Variants in GNB4 observed in about 807,000 individuals in gnomAD.
The protein encoded by GNB4 is guanine nucleotide-binding protein subunit beta-4.
In GNB4, 28 loss-of-function variants were observed where a neutral mutation model predicts 45.2. The ratio of observed to expected loss-of-function variants is 0.62; its 90% CI spans 0.46 to 0.85. The LOEUF (loss-of-function observed/expected upper bound fraction) is 0.85. GNB4 is among the 40% of genes least tolerant of loss of function. The pLI, the probability that GNB4 is intolerant of heterozygous loss-of-function variation, is 0.00. For synonymous variants in GNB4, 132 were observed against 143.7 expected (o/e 0.92, Z 0.58); for missense variants, 321 against 425.4 (o/e 0.75, Z 2.16).
the GNB4 span, among the ~76,000 whole-genome samples, chr3:179,485,005 G>GTTTTTT: frequency 1.2e-3 from 62 of 51,156 alleles, no homozygotes; most frequent in Non-Finnish European, 2.1e-3. Flanking sequence ...TTTTCGTTTT[G>GTTTTTT]TTTTTTTTTT....
At chr3:179,401,413 A>C in intron 9 of GNB4, 94 bp from the exon 10 acceptor site, 1 of 552,148 alleles carries the variant, frequency 1.8e-6, no homozygotes, top group East Asian at 3.2e-5. Flanking sequence ...ATAAACTATC[A>C]GTCCAGTTTT....
At chr3:179,424,611 G>A (rs536689670) in intron 2 of GNB4, among the ~76,000 whole-genome samples, 50 of 152,162 alleles carry the variant, frequency 3.3e-4, no homozygotes, top group African/African-American at 1.2e-3. Context: ...TCTTTGTAGA[G>A]ATTTTATTTT....
intron 1 of GNB4, among the ~76,000 whole-genome samples, chr3:179,449,563 G>A (rs949629647): frequency 1.3e-5 from 2 of 152,184 alleles, no homozygotes; most frequent in Admixed American, 6.5e-5. Flanking sequence ...TCCCAGTTGA[G>A]TTACCTAACA....
In GNB4 at chr3:179,435,838, A is replaced by G. The variant is rs546492022; in HGVS notation, c.-42-9596T>C. ...TCAAAAGATACTAATGAGCCACTGT[A>G]TCCAAGCCAATTTGTTAAATAAAAT... On this transcript the variant is annotated intron_variant, in intron 1 of 9. Transcript: ENST00000232564. Among the ~76,000 whole-genome samples the G allele has an allele frequency of 2.0e-5, 3 of 152,360 alleles. No individual in the cohort carries two copies. In the South Asian group the frequency reaches 6.2e-4, roughly 32 times the overall value.
At chr3:179,431,132 ATC>A (rs1292375861) in intron 1 of GNB4, among the ~76,000 whole-genome samples, 26 of 152,334 alleles carry the variant, frequency 1.7e-4, no homozygotes, top group African/African-American at 6.0e-4. Flanking sequence ...GTCTTTTTAC[ATC>A]TGATTTGTGC....
chr3:179,445,396 T>C (rs1331334629), intron 1 of GNB4, among the ~76,000 whole-genome samples: 1 of 152,176 alleles, frequency 6.6e-6, no homozygotes, highest in East Asian at 1.9e-4. Flanking sequence ...TCAATCTTCC[T>C]ACCCTAGCCT....
intron 9 of GNB4, 40 bp from the exon 10 acceptor site, chr3:179,401,359 T>C (rs764746873): frequency 7.2e-7 from 1 of 1,383,634 alleles, no homozygotes; most frequent in Non-Finnish European, 1.0e-6. Flanking sequence ...AATTGTAGGG[T>C]TTTAGAATTA....
chr3:179,521,501 A>C, the GNB4 span, among the ~76,000 whole-genome samples: 39 of 152,214 alleles, frequency 2.6e-4, 2 homozygotes, highest in African/African-American at 9.4e-4. Flanking sequence ...ACTGCACCCC[A>C]AAAAAACTTG....
intron 1 of GNB4, among the ~76,000 whole-genome samples, chr3:179,449,891 A>G (rs1249130045): frequency 6.6e-6 from 1 of 152,216 alleles, no homozygotes; most frequent in Non-Finnish European, 1.5e-5. Flanking sequence ...CCCAGAGTCT[A>G]TTTTTAAAGT....
the GNB4 span, among the ~76,000 whole-genome samples, chr3:179,483,171 A>G: frequency 4.6e-5 from 7 of 152,010 alleles, no homozygotes; most frequent in Admixed American, 1.3e-4. Flanking sequence ...TTTCCTGTGT[A>G]TACCCTGCCT....
At position 179,401,284 on chromosome 3, in the gene GNB4, A is replaced by G. The variant is rs1324179212; in HGVS notation, c.952T>C (p.Leu318=). 1 of 1,613,916 alleles carries G rather than the reference A, an allele frequency of 6.2e-7. No individual in the cohort carries two copies. The highest frequency in any genetic ancestry group is 2.2e-5 in the East Asian group (1 of 44,876). The change falls in exon 10 of 10, where the codon TTA becomes CTA. Residue 318 remains leucine (L), a synonymous_variant. Transcript: ENST00000232564. ...GCCATGCCATCATCAGTTACACCTA[A>G]GCAGCTCACACGGTTGTCATGACCA... ...LAGHDNRVSC[L]GVTDDGMAVA...
At chr3:179,474,272 T>A in the GNB4 span, among the ~76,000 whole-genome samples, 7 of 152,184 alleles carry the variant, frequency 4.6e-5, no homozygotes, top group Admixed American at 4.6e-4. Flanking sequence ...TCTCCCAGGC[T>A]AGAGTGCAGT....
intron 1 of GNB4, chr3:179,437,937 T>G (rs1311597176): frequency 6.6e-6 from 1 of 151,984 alleles, no homozygotes; most frequent in Non-Finnish European, 1.5e-5. Flanking sequence ...CCAGGTGTGG[T>G]GGCATTTGCC....
chr3:179,508,932 GTATATATATA>G, the GNB4 span, among the ~76,000 whole-genome samples: 1 of 102,178 alleles, frequency 9.8e-6, no homozygotes, highest in East Asian at 2.9e-4. Flanking sequence ...TTCAGCATGT[GTATATATATA>G]TATATATATA....
the GNB4 span, among the ~76,000 whole-genome samples, chr3:179,504,294 A>G: frequency 2.3e-4 from 35 of 152,262 alleles, no homozygotes; most frequent in African/African-American, 7.7e-4. Context: ...AAAATATGTC[A>G]TGGGCAGAAA....
chr3:179,489,001 A>ATAT, the GNB4 span, among the ~76,000 whole-genome samples: 4 of 33,706 alleles, frequency 1.2e-4, no homozygotes, highest in African/African-American at 1.6e-4. Flanking sequence ...AAAAAAAAAA[A>ATAT]AAAAAAAAAA....
chr3:179,403,270 C>A (rs1272768839), intron 9 of GNB4, among the ~76,000 whole-genome samples: 2 of 149,310 alleles, frequency 1.3e-5, no homozygotes, highest in African/African-American at 2.5e-5. Flanking sequence ...AGGAAATATT[C>A]TAAAAATAAA....
intron 8 of GNB4, chr3:179,410,667 A>G (rs1267591400): frequency 6.6e-6 from 1 of 152,122 alleles, no homozygotes; most frequent in Non-Finnish European, 1.5e-5. Context: ...TTAACCAATT[A>G]TATCTGGACC....
At chr3:179,464,234 A>C in the GNB4 span, 1 of 422,270 alleles carries the variant, frequency 2.4e-6, no homozygotes, top group Non-Finnish European at 4.4e-6. Flanking sequence ...TGAGGAGGGA[A>C]GATCACTTGA....
Sources: allele counts gnomAD v4.1 joint callset (sites outside exome capture counted in the v4.1 genomes callset), GRCh38; gene constraint gnomAD v4.1.1; transcripts MANE v1.5; gene names NCBI Gene and HGNC (gene_info 2026-07-23, HGNC 2026-07-21).